The following TARBP1 variants were observed in gnomAD, a reference collection of about 807,000 sequenced individuals.
The protein encoded by TARBP1 is tRNA guanosine 2 -O-methyltransferase TARBP1.
In TARBP1, 144 loss-of-function variants were observed where a neutral mutation model predicts 178.6. The ratio of observed to expected loss-of-function variants is 0.81; its 90% confidence interval spans 0.70 to 0.93. TARBP1 has a LOEUF of 0.93. Among genes scored for constraint, TARBP1 ranks in the 40% least tolerant of loss-of-function variants. TARBP1 has a pLI of 0.00. For synonymous variants in TARBP1, 787 were observed against 781.0 expected, an observed-to-expected ratio of 1.01 and a Z score of -0.13; for missense variants, 2,067 against 2,011.7, an observed-to-expected ratio of 1.03 and a Z score of -0.53.
Position 234,429,434 on chromosome 1 carries a change from C to T in TARBP1, c.2853G>A (p.Leu951=). The change falls in exon 16 of 30, where the codon TTG becomes TTA. Residue 951 remains leucine, a synonymous_variant. Transcript: ENST00000040877. The part of the protein sequence containing the change: ...SDQVLPVFHC[L]KVLVPKLLTS... ...ATCTTACCTTGGGAACCAACACTTT[C>T]AAGCAATGGAACACTGGTAAAACTT... The T allele has an allele frequency of 3.1e-6, 5 of 1,612,132 alleles. No individual in the cohort carries two copies. Among genetic ancestry groups the T allele is most frequent in the Admixed American group, 1.7e-5 (1 of 59,586 alleles).
chr1:234,465,170 T>C (rs1668310211), intron 5 of TARBP1, among the ~76,000 whole-genome samples: 2 of 152,074 alleles, frequency 1.3e-5, no homozygotes, highest in African/African-American at 4.8e-5. Flanking sequence ...CTAAGAAAGA[T>C]GCGCACACAG....
intron 12 of TARBP1, among the ~76,000 whole-genome samples, chr1:234,445,588 C>G (rs548906506): frequency 4.6e-5 from 7 of 152,046 alleles, no homozygotes; most frequent in Non-Finnish European, 1.0e-4. Context: ...ATATGTAAAG[C>G]CTTTTAACAT....
At chr1:234,470,691 C>A (rs1479082649) in intron 3 of TARBP1, among the ~76,000 whole-genome samples, 1 of 151,058 alleles carries the variant, frequency 6.6e-6, no homozygotes, top group Non-Finnish European at 1.5e-5. Context: ...TCTTGGCTCA[C>A]TGCAACCTCC....
chr1:234,459,223 A>T lies in TARBP1; in HGVS notation c.1632+7T>A. 1 of 1,604,238 alleles carries T rather than the reference A, an allele frequency of 6.2e-7. No individual in the cohort carries two copies. Among genetic ancestry groups the T allele is most frequent in the Non-Finnish European group, 8.5e-7 (1 of 1,176,746 alleles). On this transcript the variant is annotated splice_region_variant and intron_variant, in intron 8 of 29. Coordinates refer to ENST00000040877, the MANE Select transcript of TARBP1 (RefSeq NM_005646.4). ...TTGTAAATGGAAGTAACAAAAGAAA[A>T]ACTTACCACATCTAGCAAATTCATA...
intron 26 of TARBP1, 110 bp downstream of exon 26, chr1:234,398,272 C>T: frequency 6.8e-6 from 6 of 887,892 alleles, no homozygotes; most frequent in Non-Finnish European, 9.4e-6. Context: ...CAGAGGTCAC[C>T]ATGTCAATGA....
At position 234,478,841 on chromosome 1, in the gene TARBP1, A is replaced by T; in HGVS notation, c.263T>A (p.Leu88Gln). The T allele has an allele frequency of 8.2e-7, 1 of 1,221,040 alleles. No homozygotes were observed. Among genetic ancestry groups the T allele is most frequent in the Non-Finnish European group, 1.0e-6 (1 of 982,832 alleles). 75.6% of individuals were successfully genotyped at this position (1,221,040 alleles called of 1,614,324 possible). The change falls in exon 1 of 30, where the codon CTG becomes CAG. Residue 88 changes from leucine (L) to glutamine (Q), a missense_variant. Leu to Gln is a moderately radical substitution (Grantham distance 113). Transcript: ENST00000040877. ...GRPAGGPDPS[L>Q]QPRHRRRVLR... ...CACGCGCCGGCGGTGGCGAGGCTGCAGACTGGGGTCCGGGCCGCCCGCGGG... is the reference window on the plus strand; with the variant it reads ...CACGCGCCGGCGGTGGCGAGGCTGCTGACTGGGGTCCGGGCCGCCCGCGGG...
rs141741523 is a variant in TARBP1 at position 234,427,629 on chromosome 1, G to A, written c.3198C>T (p.Ser1066=). 56 of 1,598,456 alleles carry A rather than the reference G, an allele frequency of 3.5e-5. No individual in the cohort carries two copies. Among genetic ancestry groups the A allele is most frequent in the African/African-American group, 6.8e-5 (5 of 73,948 alleles). Residue 1066 remains serine, a synonymous_variant, in exon 18 of 30, where the codon AGC becomes AGT. Coordinates refer to ENST00000040877, the MANE Select transcript of TARBP1 (RefSeq NM_005646.4). ...QGSLSSAKNY[S]ELILEACIFG... is the part of the protein sequence containing the mutation. The stretch of plus-strand genomic sequence containing the variant: ...ATATACAAGCCTCAAGGATAAGTTC[G>A]CTATAATTTTTAGCACTTGATAAAG...
At chr1:234,435,877 G>A (rs906734324) in intron 13 of TARBP1, among the ~76,000 whole-genome samples, 3 of 152,184 alleles carry the variant, frequency 2.0e-5, no homozygotes, top group Non-Finnish European at 2.9e-5. Flanking sequence ...ATCGGCCGTG[G>A]AAATTGGTAA....
intron 10 of TARBP1, among the ~76,000 whole-genome samples, chr1:234,450,164 T>G (rs1666600994): frequency 7.3e-6 from 1 of 136,322 alleles, no homozygotes; most frequent in South Asian, 2.3e-4. Context: ...TGACTTTGCA[T>G]CCACTTCTTA....
chr1:234,454,644 T>G (rs1463753043), intron 9 of TARBP1, among the ~76,000 whole-genome samples: 2 of 152,162 alleles, frequency 1.3e-5, no homozygotes, highest in African/African-American at 4.8e-5. Context: ...ACTGAAAAGA[T>G]GCCTGAACTT....
chr1:234,456,698 A>G (rs1667321835), intron 9 of TARBP1, among the ~76,000 whole-genome samples: 1 of 152,234 alleles, frequency 6.6e-6, no homozygotes, highest in Admixed American at 6.5e-5. Flanking sequence ...TTTTAAATAC[A>G]CATATACTTA....
At chr1:234,468,386 T>G (rs1190378180) in intron 3 of TARBP1, among the ~76,000 whole-genome samples, 1 of 151,966 alleles carries the variant, frequency 6.6e-6, no homozygotes, top group South Asian at 2.1e-4. Context: ...CTTGAACCCT[T>G]GAACTTGGGA....
At chr1:234,453,417 T>G (rs1293914192) in intron 9 of TARBP1, among the ~76,000 whole-genome samples, 1 of 151,682 alleles carries the variant, frequency 6.6e-6, no homozygotes, top group Non-Finnish European at 1.5e-5. Context: ...CTTGAACTCC[T>G]GAGCTCAAGT....
At chr1:234,412,840 C>T (rs890073877) in intron 22 of TARBP1, among the ~76,000 whole-genome samples, 1 of 152,210 alleles carries the variant, frequency 6.6e-6, no homozygotes, top group African/African-American at 2.4e-5. Flanking sequence ...GGGTGACCCC[C>T]GGTCAACCAA....
At chr1:234,433,194 T>C (rs966425459) in intron 14 of TARBP1, among the ~76,000 whole-genome samples, 2 of 152,062 alleles carry the variant, frequency 1.3e-5, no homozygotes, top group Admixed American at 1.3e-4. Flanking sequence ...GCCAAGATGG[T>C]ACCACTGCAC....
chr1:234,432,968 TAA>T (rs1664621334), intron 14 of TARBP1, among the ~76,000 whole-genome samples: 1 of 152,140 alleles, frequency 6.6e-6, no homozygotes, highest in Admixed American at 6.5e-5. Flanking sequence ...AATATTATAT[TAA>T]GAGTATCACC....
intron 5 of TARBP1, among the ~76,000 whole-genome samples, chr1:234,464,671 T>C (rs1182834926): frequency 2.0e-5 from 3 of 152,216 alleles, no homozygotes; most frequent in East Asian, 3.8e-4. Context: ...TAAATATTAA[T>C]ATAACGTGGC....
intron 24 of TARBP1, chr1:234,405,299 C>T (rs1661100914): frequency 6.6e-6 from 1 of 152,070 alleles, no homozygotes; most frequent in Non-Finnish European, 1.5e-5. Flanking sequence ...GATAAGGAAA[C>T]AAGCGCAGAG....
Position 234,478,205 on chromosome 1 carries a change from G to GC in TARBP1, c.898dup (p.Ala300GlyfsTer20). On this transcript the variant is annotated frameshift_variant, in exon 1 of 30. Coordinates refer to ENST00000040877, the MANE Select transcript of TARBP1 (RefSeq NM_005646.4). LOFTEE classifies it high-confidence loss of function. ...TTCCTGGGGCCCGCAGGTGCAGTCG[G>GC]CCCCCAGCTCCGCCGACACCTCCAC... The GC allele has an allele frequency of 6.2e-7, 1 of 1,611,754 alleles. No homozygotes were observed. Among genetic ancestry groups the GC allele is most frequent in the Non-Finnish European group, 8.5e-7 (1 of 1,179,558 alleles).
Sources: allele counts gnomAD v4.1 joint callset (sites outside exome capture counted in the v4.1 genomes callset), GRCh38; gene constraint gnomAD v4.1.1; transcripts MANE v1.5; gene names NCBI Gene and HGNC (gene_info 2026-07-23, HGNC 2026-07-21).